Variants in SS18 observed in about 807,000 individuals in gnomAD.
The protein encoded by SS18 is SS18 subunit of BAF chromatin remodeling complex.
In SS18, 28 loss-of-function variants were observed where a neutral mutation model predicts 72.5. The observed-to-expected ratio is 0.39, with a 90% CI of 0.29 to 0.53. The LOEUF (loss-of-function observed/expected upper bound fraction) is 0.53, where lower values mean the gene tolerates loss of function less well. Ranked by LOEUF, SS18 falls within the 20% of genes least tolerant of loss-of-function variation. The pLI is 0.76. For synonymous variants in SS18, 172 were observed against 164.2 expected (o/e 1.05, Z -0.37); for missense variants, 518 against 535.3 (o/e 0.97, Z 0.32).
chr18:26,082,635 C>T (rs1446254624), intron 2 of SS18: 1 of 477,454 alleles, frequency 2.1e-6, no homozygotes, highest in African/African-American at 2.1e-5. Context: ...CGTGTGTTAC[C>T]AGAATTTAAA....
At chr18:26,030,773 A>G (rs1220244187) in intron 10 of SS18, among the ~76,000 whole-genome samples, 1 of 152,152 alleles carries the variant, frequency 6.6e-6, no homozygotes. Flanking sequence ...AATAGAGGGC[A>G]GTATGATTCA....
At chr18:26,067,157 A>G (rs556333882) in intron 3 of SS18, among the ~76,000 whole-genome samples, 114 of 152,340 alleles carry the variant, frequency 7.5e-4, no homozygotes, top group African/African-American at 2.6e-3. Flanking sequence ...AAAAATAAAC[A>G]CTTCAGAGAC....
At chr18:26,042,503 T>C (rs1024217010) in intron 5 of SS18, among the ~76,000 whole-genome samples, 6 of 152,132 alleles carry the variant, frequency 3.9e-5, no homozygotes, top group South Asian at 2.1e-4. Flanking sequence ...TATATTCTAA[T>C]AGATATTCTA....
Position 26,035,613 on chromosome 18 carries a change from G to C in SS18, c.973+218C>G, listed in dbSNP as rs1268821314. 2 of 388,520 alleles carry C rather than the reference G, an allele frequency of 5.1e-6. No individual in the cohort carries two copies. Among genetic ancestry groups the C allele is most frequent in the East Asian group, 7.6e-5 (2 of 26,388 alleles). The allele number at this position is 388,520 out of a possible 1,614,324, so 24.1% of individuals were successfully genotyped here. On this transcript the variant is annotated intron_variant, in intron 8 of 10. Transcript: ENST00000415083. The surrounding 1 kb of genome is among the most constrained non-coding windows in gnomAD (Gnocchi z 4.4). ...GGAAAAAATTATCTTTAATGTTTTA[G>C]TCTTTTTATTATTGTTAGAAATGGC...
chr18:26,062,039 T>C (rs1262512528), intron 3 of SS18, among the ~76,000 whole-genome samples: 3 of 152,088 alleles, frequency 2.0e-5, no homozygotes, highest in African/African-American at 4.8e-5. Flanking sequence ...GGTGGGGGAA[T>C]CCCTTGAGGC....
intron 5 of SS18, among the ~76,000 whole-genome samples, chr18:26,050,732 T>C (rs2053907211): frequency 1.3e-5 from 2 of 152,004 alleles, no homozygotes; most frequent in Admixed American, 1.3e-4. Flanking sequence ...GGTGAAACCC[T>C]GTCTCTACTA....
chr18:26,032,522 C>T lies in SS18; in HGVS notation c.1107G>A (p.Gln369=). ...PGQQQGYGPS[Q]GGPGPQYPNY... is the part of the protein sequence containing the mutation. Reference sequence around the variant, plus strand: ...TAGGATACTGAGGACCTGGACCACCCTGTGAAGGACCTGAAAATAATGTAC... The same window carrying T: ...TAGGATACTGAGGACCTGGACCACCTTGTGAAGGACCTGAAAATAATGTAC... The change falls in exon 10 of 11, where the codon CAG becomes CAA. Residue 369 remains glutamine, a synonymous_variant. Transcript: ENST00000415083. 4 of 1,613,358 alleles carry T rather than the reference C, an allele frequency of 2.5e-6. No homozygotes were observed. The highest frequency in any genetic ancestry group is 2.5e-6 in the Non-Finnish European group (3 of 1,179,696).
intron 10 of SS18, among the ~76,000 whole-genome samples, chr18:26,027,284 A>G (rs138358049): frequency 6.6e-6 from 1 of 152,338 alleles, no homozygotes; most frequent in East Asian, 1.9e-4. Context: ...AACAGAATAG[A>G]GTTCAGAAAC....
At chr18:26,053,072 AGAAG>A (rs1295444715) in intron 4 of SS18, among the ~76,000 whole-genome samples, 1 of 152,248 alleles carries the variant, frequency 6.6e-6, no homozygotes, top group Non-Finnish European at 1.5e-5. Flanking sequence ...ACTCTGAAAA[AGAAG>A]GAAGGACTAG....
intron 10 of SS18, among the ~76,000 whole-genome samples, chr18:26,022,437 TA>T (rs35858470): frequency 0.083 from 10,965 of 131,922 alleles, 514 homozygotes; most frequent in African/African-American, 0.15. Context: ...CCTGAAACAA[TA>T]AAAAAAAAAA....
intron 6 of SS18, 101 bp downstream of exon 6, chr18:26,039,188 A>AAAG: frequency 2.2e-6 from 2 of 912,292 alleles, no homozygotes; most frequent in Non-Finnish European, 3.0e-6. Flanking sequence ...AAAAAAAAAA[A>AAAG]AAAAAAAGAA....
intron 6 of SS18, 115 bp from the exon 7 acceptor site, chr18:26,038,774 T>A: frequency 1.0e-6 from 1 of 983,068 alleles, no homozygotes; most frequent in Non-Finnish European, 1.5e-6. Context: ...TCCCATCTCA[T>A]AATTTGGCAT....
intron 1 of SS18, chr18:26,090,016 C>G (rs2054689572): frequency 1.2e-5 from 2 of 163,436 alleles, no homozygotes; most frequent in Non-Finnish European, 1.3e-5. Context: ...TGCGAGCTCC[C>G]AAACTCGGCT....
chr18:26,055,619 G>A (rs779709140), intron 4 of SS18, among the ~76,000 whole-genome samples: 2 of 152,110 alleles, frequency 1.3e-5, no homozygotes, highest in Non-Finnish European at 2.9e-5. Flanking sequence ...CAGCCAAGAT[G>A]CAAATTTGTG....
At chr18:26,023,561 T>C in intron 10 of SS18, 2 of 492,600 alleles carry the variant, frequency 4.1e-6, no homozygotes, top group Non-Finnish European at 7.7e-6. Context: ...TTGGAAACAA[T>C]GTAAGGAAGA....
chr18:26,036,184 G>GA (rs11463174), intron 7 of SS18, among the ~76,000 whole-genome samples: 37,320 of 151,382 alleles, frequency 0.25, 7,877 homozygotes, highest in African/African-American at 0.57. Flanking sequence ...CTCATTGAGG[G>GA]AAAAAAAACT....
chr18:26,029,799 C>T (rs2053513282), intron 10 of SS18, among the ~76,000 whole-genome samples: 1 of 152,118 alleles, frequency 6.6e-6, no homozygotes, highest in Non-Finnish European at 1.5e-5. Flanking sequence ...ACCATCAAGA[C>T]GTGAACGAAC....
chr18:26,084,125 A>G (rs2054576779), intron 2 of SS18: 1 of 152,212 alleles, frequency 6.6e-6, no homozygotes, highest in Non-Finnish European at 1.5e-5. Flanking sequence ...TGTTCAAAAA[A>G]TAATGAAGAC....
chr18:26,048,505 T>G (rs989496975), intron 5 of SS18, among the ~76,000 whole-genome samples: 3 of 152,348 alleles, frequency 2.0e-5, no homozygotes, highest in African/African-American at 4.8e-5. Flanking sequence ...TAGGCCTATC[T>G]CAAGCACCTC....
Sources: gnomAD v4.1 joint callset for allele counts (sites outside exome capture counted in the v4.1 genomes callset) on GRCh38, gnomAD v4.1.1 for gene constraint, Gnocchi (gnomAD v3.1) non-coding constraint, MANE v1.5 for transcripts, NCBI Gene and HGNC (gene_info 2026-07-23, HGNC 2026-07-21) for gene names.